OR2L13: variants seen among roughly 807,000 people sequenced by gnomAD.
OR2L13 encodes the protein olfactory receptor 2L13.
In OR2L13, 14 loss-of-function variants were observed where a neutral mutation model predicts 15.3. The ratio of observed to expected loss-of-function variants is 0.91; its 90% CI spans 0.60 to 1.43. OR2L13 has a LOEUF of 1.43. Ranked by LOEUF, OR2L13 falls within the 40% of genes most tolerant of loss-of-function variation. The probability of loss-of-function intolerance (pLI) is 0.00; values close to 1 mark genes in which losing one functional copy is unlikely to be tolerated. For missense variants in OR2L13, 367 were observed against 387.9 expected (o/e 0.95, Z 0.45); for synonymous variants, 152 against 142.9 (o/e 1.06, Z -0.45).
chr1:247,987,282 T>C, the OR2L13 span, among the ~76,000 whole-genome samples: 1 of 152,242 alleles, frequency 6.6e-6, no homozygotes, highest in African/African-American at 2.4e-5. Context: ...TAAAATCCTA[T>C]GGCTTTCTAC....
the OR2L13 span, among the ~76,000 whole-genome samples, chr1:248,052,035 A>C: frequency 6.6e-6 from 1 of 152,000 alleles, no homozygotes; most frequent in Non-Finnish European, 1.5e-5. Flanking sequence ...TTTACTTACA[A>C]TTTTTTCAAC....
At chr1:248,039,291 C>T in the OR2L13 span, 2 of 1,269,760 alleles carry the variant, frequency 1.6e-6, no homozygotes, top group Admixed American at 2.3e-5. Context: ...TATTACATGC[C>T]CAGTGTGTCA....
the OR2L13 span, among the ~76,000 whole-genome samples, chr1:247,958,223 A>T: frequency 3.9e-5 from 6 of 152,048 alleles, no homozygotes; most frequent in Admixed American, 1.3e-4. Context: ...CAGGAGCAGG[A>T]TGTTCAGTTT....
upstream of OR2L13, among the ~76,000 whole-genome samples, chr1:248,092,662 T>G: frequency 6.6e-6 from 1 of 152,184 alleles, no homozygotes; most frequent in East Asian, 1.9e-4. Flanking sequence ...AACCAAAACT[T>G]TATTGTCACT....
At chr1:247,988,192 A>G in the OR2L13 span, among the ~76,000 whole-genome samples, 3 of 152,078 alleles carry the variant, frequency 2.0e-5, no homozygotes, top group Non-Finnish European at 4.4e-5. Context: ...ATTTCTGGGA[A>G]TGCCTGTAAG....
the OR2L13 span, chr1:247,949,332 A>G: frequency 6.2e-7 from 1 of 1,614,158 alleles, no homozygotes; most frequent in South Asian, 1.1e-5. Context: ...TTGTGCTCAC[A>G]CTGTATATGT....
chr1:248,067,621 T>C, the OR2L13 span, among the ~76,000 whole-genome samples: 2 of 152,268 alleles, frequency 1.3e-5, no homozygotes, highest in Non-Finnish European at 2.9e-5. Flanking sequence ...TTCATCTCAC[T>C]AGGGAGTGCC....
At chr1:248,002,813 G>C in the OR2L13 span, among the ~76,000 whole-genome samples, 2 of 149,290 alleles carry the variant, frequency 1.3e-5, no homozygotes, top group Admixed American at 6.6e-5. Flanking sequence ...AGCCGAGATC[G>C]CACCACTGCA....
At chr1:248,067,630 C>A in the OR2L13 span, among the ~76,000 whole-genome samples, 1 of 152,152 alleles carries the variant, frequency 6.6e-6, no homozygotes. Context: ...CTAGGGAGTG[C>A]CAGACAGTGG....
At chr1:248,022,299 G>A in the OR2L13 span, 1 of 1,614,130 alleles carries the variant, frequency 6.2e-7, no homozygotes, top group Admixed American at 1.7e-5. Flanking sequence ...GACATCAATG[G>A]CCTATGATCG....
At chr1:248,096,231 A>G (rs1278813874), upstream of OR2L13, among the ~76,000 whole-genome samples, 1 of 151,786 alleles carries the variant, frequency 6.6e-6, no homozygotes, top group Non-Finnish European at 1.5e-5. Flanking sequence ...ACAAAAATAA[A>G]AATTAGCCGG....
the OR2L13 span, among the ~76,000 whole-genome samples, chr1:248,049,663 A>G: frequency 0.04 from 6,078 of 152,274 alleles, 392 homozygotes; most frequent in African/African-American, 0.14. Context: ...TTTAATCATT[A>G]AAAAATCCTA....
exon 3 of OR2L13, chr1:248,100,299 T>A (rs774107569): frequency 3.1e-6 from 5 of 1,598,334 alleles, no homozygotes; most frequent in Non-Finnish European, 4.3e-6. Flanking sequence ...GGATATTCTC[T>A]TTCCTGAAAG....
the OR2L13 span, chr1:248,038,249 T>G: frequency 6.5e-7 from 1 of 1,535,024 alleles, no homozygotes; most frequent in African/African-American, 1.4e-5. Context: ...CCCTTCAGGA[T>G]GGATTGTAGG....
At chr1:247,938,304 C>G in the OR2L13 span, among the ~76,000 whole-genome samples, 2 of 152,014 alleles carry the variant, frequency 1.3e-5, no homozygotes, top group Admixed American at 1.3e-4. Context: ...ACTGGAAGTG[C>G]TAATGTTAAT....
At chr1:248,026,595 A>T in the OR2L13 span, among the ~76,000 whole-genome samples, 1 of 152,214 alleles carries the variant, frequency 6.6e-6, no homozygotes, top group African/African-American at 2.4e-5. Context: ...GTGTTGCGGG[A>T]AGTCAGGACC....
the OR2L13 span, among the ~76,000 whole-genome samples, chr1:247,978,132 G>A: frequency 1.8e-4 from 27 of 152,292 alleles, no homozygotes; most frequent in South Asian, 1.0e-3. Context: ...CACCAATCTT[G>A]CTGCTGCTCA....
At chr1:248,006,222 T>C in the OR2L13 span, among the ~76,000 whole-genome samples, 1 of 150,694 alleles carries the variant, frequency 6.6e-6, no homozygotes, top group Middle Eastern at 3.4e-3. Flanking sequence ...GGTCCTGTGG[T>C]ACTGTGAAAT....
the OR2L13 span, among the ~76,000 whole-genome samples, chr1:247,985,494 TAATC>T: frequency 6.6e-6 from 1 of 152,238 alleles, no homozygotes; most frequent in Admixed American, 6.5e-5. Flanking sequence ...CACATTTTCT[TAATC>T]CATCCTATTA....
Sources: allele counts gnomAD v4.1 joint callset (sites outside exome capture counted in the v4.1 genomes callset), GRCh38; gene constraint gnomAD v4.1.1; transcripts MANE v1.5; gene names NCBI Gene and HGNC (gene_info 2026-07-23, HGNC 2026-07-21).